JMJD1C: variants seen among roughly 807,000 people sequenced by gnomAD.
The protein encoded by JMJD1C is jumonji domain containing 1C.
JMJD1C carries 31 observed loss-of-function variants against 245.3 expected under a neutral mutation model. That is an observed-to-expected ratio of 0.13 (90% confidence interval 0.09 to 0.17). JMJD1C has a LOEUF of 0.17. Among genes scored for constraint, JMJD1C ranks in the 10% least tolerant of loss-of-function variants. The pLI is 1.00. For synonymous variants in JMJD1C, 1,057 were observed against 1,017.4 expected (o/e 1.04, Z -0.74); for missense variants, 2,691 against 3,000.2 (o/e 0.90, Z 2.41).
intron 2 of JMJD1C, among the ~76,000 whole-genome samples, chr10:63,374,675 G>C (rs1050741063): frequency 6.6e-6 from 1 of 152,080 alleles, no homozygotes; most frequent in South Asian, 2.1e-4. Flanking sequence ...ATGCTCCCTA[G>C]AACTGGAAAC....
At chr10:63,344,938 T>G (rs529177129) in intron 2 of JMJD1C, among the ~76,000 whole-genome samples, 1 of 152,170 alleles carries the variant, frequency 6.6e-6, no homozygotes, top group East Asian at 1.9e-4. Context: ...GAATTAAACA[T>G]AGTACAGCTA....
intron 2 of JMJD1C, among the ~76,000 whole-genome samples, chr10:63,291,072 C>T (rs1173152546): frequency 6.6e-6 from 1 of 151,724 alleles, no homozygotes; most frequent in Non-Finnish European, 1.5e-5. Flanking sequence ...TTTGAGAGGC[C>T]GAGGTGGGCG....
At chr10:63,394,136 G>A (rs149815874) in intron 1 of JMJD1C, among the ~76,000 whole-genome samples, 10 of 148,712 alleles carry the variant, frequency 6.7e-5, no homozygotes, top group East Asian at 4.0e-4. Flanking sequence ...ATAGTGAGCC[G>A]AGACTGCACC....
At chr10:63,221,629 A>G (rs774249353) in intron 3 of JMJD1C, among the ~76,000 whole-genome samples, 4 of 152,208 alleles carry the variant, frequency 2.6e-5, no homozygotes, top group Admixed American at 2.0e-4. Context: ...CCTCAATAAT[A>G]CAGTACACAC....
intron 1 of JMJD1C, among the ~76,000 whole-genome samples, chr10:63,381,164 G>A (rs1289223412): frequency 6.6e-6 from 1 of 152,142 alleles, no homozygotes; most frequent in Admixed American, 6.6e-5. Context: ...AGTAAGCCAG[G>A]TACAAAAGAC....
At chr10:63,510,880 C>T (rs1194427739) in intron 1 of JMJD1C, among the ~76,000 whole-genome samples, 3 of 152,192 alleles carry the variant, frequency 2.0e-5, no homozygotes, top group African/African-American at 7.2e-5. Context: ...TGTTGTTAGG[C>T]ATATAGATAT....
intron 14 of JMJD1C, 128 bp from the exon 15 acceptor site, chr10:63,193,600 T>A: frequency 1.8e-6 from 1 of 558,618 alleles, no homozygotes; most frequent in Non-Finnish European, 3.0e-6. Context: ...TTAAATTTCT[T>A]CCATTTTTCT....
At chr10:63,315,838 C>CAAA (rs531544593) in intron 2 of JMJD1C, among the ~76,000 whole-genome samples, 6 of 55,316 alleles carry the variant, frequency 1.1e-4, no homozygotes, top group African/African-American at 2.6e-4. Flanking sequence ...GACACCGTCT[C>CAAA]AAAAAAAAAA....
At chr10:63,310,801 T>C (rs1189311854) in intron 2 of JMJD1C, among the ~76,000 whole-genome samples, 7 of 151,552 alleles carry the variant, frequency 4.6e-5, no homozygotes, top group African/African-American at 1.5e-4. Flanking sequence ...GGAAAAATAA[T>C]GAACAATCAC....
At chr10:63,250,571 A>T (rs1379220999) in intron 3 of JMJD1C, among the ~76,000 whole-genome samples, 1 of 152,148 alleles carries the variant, frequency 6.6e-6, no homozygotes, top group African/African-American at 2.4e-5. Flanking sequence ...TGACTGATAT[A>T]TATGCAATAA....
At chr10:63,325,246 A>T (rs1384249487) in intron 2 of JMJD1C, among the ~76,000 whole-genome samples, 3 of 152,208 alleles carry the variant, frequency 2.0e-5, no homozygotes, top group Admixed American at 2.0e-4. Flanking sequence ...GCTAAATCAA[A>T]ATATTACTTG....
chr10:63,302,976 T>C (rs1055025211), intron 2 of JMJD1C, among the ~76,000 whole-genome samples: 3 of 152,260 alleles, frequency 2.0e-5, no homozygotes, highest in Admixed American at 1.3e-4. Flanking sequence ...CTCGAACTCT[T>C]GGGCTCAAGG....
chr10:63,380,121 TTTG>T, intron 2 of JMJD1C, 194 bp downstream of exon 2: 7 of 434,494 alleles, frequency 1.6e-5, no homozygotes, highest in South Asian at 2.6e-5. Flanking sequence ...TTTTTTTTTT[TTTG>T]GTAGAGATGG....
chr10:63,302,187 T>C (rs1039514435), intron 2 of JMJD1C, among the ~76,000 whole-genome samples: 11 of 152,160 alleles, frequency 7.2e-5, no homozygotes, highest in Non-Finnish European at 1.6e-4. Context: ...TCAGTTTATT[T>C]AACAGATAGT....
At chr10:63,285,381 T>C (rs899064364) in intron 2 of JMJD1C, among the ~76,000 whole-genome samples, 10 of 152,104 alleles carry the variant, frequency 6.6e-5, no homozygotes, top group Non-Finnish European at 1.0e-4. Flanking sequence ...ATGGCAAAAT[T>C]TGAAGCCCTC....
intron 1 of JMJD1C, among the ~76,000 whole-genome samples, chr10:63,476,857 C>G (rs1448380956): frequency 1.3e-5 from 2 of 152,034 alleles, no homozygotes; most frequent in Admixed American, 1.3e-4. Context: ...TTGAGGCCAG[C>G]AGATCAAAGC....
chr10:63,337,649 A>G (rs749123893), intron 2 of JMJD1C, among the ~76,000 whole-genome samples: 2 of 148,848 alleles, frequency 1.3e-5, no homozygotes, highest in African/African-American at 2.5e-5. Flanking sequence ...AAAATCCGCT[A>G]TTGTTCCTCA....
At chr10:63,348,464 T>C (rs1944045560) in intron 2 of JMJD1C, among the ~76,000 whole-genome samples, 1 of 152,202 alleles carries the variant, frequency 6.6e-6, no homozygotes. Flanking sequence ...CTTGGTTAAA[T>C]ATAATGACAT....
intron 1 of JMJD1C, among the ~76,000 whole-genome samples, chr10:63,412,089 G>C (rs1443670289): frequency 6.6e-6 from 1 of 151,848 alleles, no homozygotes; most frequent in Admixed American, 6.6e-5. Context: ...AACATGAAGA[G>C]CTATGTACAA....
Sources: allele counts gnomAD v4.1 joint callset (sites outside exome capture counted in the v4.1 genomes callset), GRCh38; gene constraint gnomAD v4.1.1; transcripts MANE v1.5; gene names NCBI Gene and HGNC (gene_info 2026-07-23, HGNC 2026-07-21).